OSBPL6: variants seen among roughly 807,000 people sequenced by gnomAD.
OSBPL6 encodes oxysterol binding protein like 6, also known as oxysterol-binding protein-related protein 6.
In OSBPL6, 49 loss-of-function variants were observed where a neutral mutation model predicts 125.8. That is an observed-to-expected ratio of 0.39 (90% CI 0.31 to 0.49). The LOEUF (loss-of-function observed/expected upper bound fraction) is 0.49. OSBPL6 is among the 20% of genes least tolerant of loss of function. The pLI, the probability that OSBPL6 is intolerant of heterozygous loss-of-function variation, is 0.88. For synonymous variants in OSBPL6, 394 were observed against 391.8 expected (o/e 1.01, Z -0.07); for missense variants, 986 against 1,135.4 (o/e 0.87, Z 1.89).
intron 1 of OSBPL6, among the ~76,000 whole-genome samples, chr2:178,265,263 G>C (rs2092197076): frequency 8.0e-6 from 1 of 125,318 alleles, no homozygotes; most frequent in Non-Finnish European, 1.6e-5. Flanking sequence ...CCAGGCTGGA[G>C]TACAGTGGTA....
intron 1 of OSBPL6, among the ~76,000 whole-genome samples, chr2:178,269,349 T>C (rs1427342317): frequency 6.6e-6 from 1 of 152,218 alleles, no homozygotes; most frequent in African/African-American, 2.4e-5. Context: ...ACTATTAATG[T>C]TTATAAAGCT....
At chr2:178,323,546 T>G (rs1218014310) in intron 3 of OSBPL6, 3 of 152,220 alleles carry the variant, frequency 2.0e-5, no homozygotes, top group Non-Finnish European at 4.4e-5. Flanking sequence ...CACTGCAACC[T>G]CCGTCTCCCA....
chr2:178,326,567 G>A (rs1217820559), intron 4 of OSBPL6, among the ~76,000 whole-genome samples: 1 of 152,150 alleles, frequency 6.6e-6, no homozygotes, highest in East Asian at 1.9e-4. Flanking sequence ...AGTCTACTAA[G>A]TATAGAGGGA....
chr2:178,308,261 T>C lies in OSBPL6; in HGVS notation c.102+1975T>C, dbSNP rs148749651. On this transcript the variant is annotated intron_variant, in intron 3 of 24. Coordinates refer to ENST00000190611, the MANE Select transcript of OSBPL6 (RefSeq NM_032523.4). ...GTTTTTCCTTCCTTATCTCAATCAC[T>C]GCCTAAACCTCAGAATTAACTTAGG... Among the ~76,000 whole-genome samples, 417 of 152,346 alleles carry C rather than the reference T, an allele frequency of 2.7e-3. 2 individuals carry two copies. Among genetic ancestry groups the C allele is most frequent in the African/African-American group, 9.4e-3 (389 of 41,582 alleles).
intron 12 of OSBPL6, among the ~76,000 whole-genome samples, chr2:178,359,290 C>G (rs765553451): frequency 1.3e-5 from 2 of 152,122 alleles, no homozygotes; most frequent in Non-Finnish European, 2.9e-5. Flanking sequence ...AAATGACCAA[C>G]AAGTACATAA....
intron 1 of OSBPL6, among the ~76,000 whole-genome samples, chr2:178,281,024 T>C (rs1317155584): frequency 1.3e-5 from 2 of 151,346 alleles, no homozygotes; most frequent in African/African-American, 2.4e-5. Flanking sequence ...TTTTTTTTTT[T>C]TTTCTTTTGA....
At chr2:178,362,957 A>G (rs1257476217) in intron 13 of OSBPL6, among the ~76,000 whole-genome samples, 1 of 152,214 alleles carries the variant, frequency 6.6e-6, no homozygotes, top group Non-Finnish European at 1.5e-5. Context: ...TTCTCATGTC[A>G]TGGATCGGTC....
rs540802533 is a variant in OSBPL6, at chr2:178,227,192, A to T, written c.-351+32518A>T. On this transcript the variant is annotated intron_variant, in intron 1 of 24. Transcript: ENST00000190611. ...ACAAAAAAGGAAATACATATGGCTA[A>T]GTTTTATCAGAAATGTTTAACATTA... Among the ~76,000 whole-genome samples the T allele has an allele frequency of 3.9e-4, 60 of 152,386 alleles. No individual in the cohort carries two copies. In the South Asian group the frequency reaches 0.012, roughly 31 times the overall value.
chr2:178,240,289 G>A (rs949320548), intron 1 of OSBPL6, among the ~76,000 whole-genome samples: 9 of 152,142 alleles, frequency 5.9e-5, no homozygotes, highest in Admixed American at 1.3e-4. Context: ...AAATAAGTCT[G>A]GGTGCGGTGG....
At chr2:178,277,519 C>CA (rs1419941215) in intron 1 of OSBPL6, among the ~76,000 whole-genome samples, 3 of 151,934 alleles carry the variant, frequency 2.0e-5, no homozygotes, top group South Asian at 2.1e-4. Context: ...TATATGCAAA[C>CA]AAAAAAATCT....
At chr2:178,266,754 A>G (rs530368853) in intron 1 of OSBPL6, among the ~76,000 whole-genome samples, 1 of 152,362 alleles carries the variant, frequency 6.6e-6, no homozygotes, top group East Asian at 1.9e-4. Flanking sequence ...AACTAAAGCA[A>G]TTCAAAGTTC....
chr2:178,304,810 C>G (rs1331343057), intron 2 of OSBPL6, among the ~76,000 whole-genome samples: 1 of 152,200 alleles, frequency 6.6e-6, no homozygotes, highest in South Asian at 2.1e-4. Flanking sequence ...ATCTCTGACT[C>G]TAGTCATATT....
At chr2:178,225,587 C>A (rs2090528171) in intron 1 of OSBPL6, among the ~76,000 whole-genome samples, 1 of 152,120 alleles carries the variant, frequency 6.6e-6, no homozygotes, top group African/African-American at 2.4e-5. Context: ...TGTTTCCATG[C>A]TGCTGATAAA....
intron 1 of OSBPL6, among the ~76,000 whole-genome samples, chr2:178,228,439 G>A (rs1049589907): frequency 6.6e-6 from 1 of 152,194 alleles, no homozygotes; most frequent in Non-Finnish European, 1.5e-5. Context: ...GGAGGCTGAG[G>A]CAGAAGAATG....
In OSBPL6 at chr2:178,399,179, A is replaced by T. The variant is rs183925522; in HGVS notation, c.*3620A>T. 1 of 152,298 alleles carries T rather than the reference A, an allele frequency of 6.6e-6. No homozygotes were observed. The highest frequency in any genetic ancestry group is 1.5e-5 in the Non-Finnish European group (1 of 68,016). 9.4% of individuals were successfully genotyped at this position (152,298 alleles called of 1,614,324 possible). On this transcript the variant is annotated 3_prime_UTR_variant, in exon 25 of 25. Transcript: ENST00000190611. ...AAATGTATCTAATTAAACAATTTTG[A>T]ATCTATTTTGTGCTCTAGAAATGTT...
chr2:178,199,113 A>C (rs902815087), intron 1 of OSBPL6, among the ~76,000 whole-genome samples: 3 of 152,256 alleles, frequency 2.0e-5, no homozygotes, highest in African/African-American at 7.2e-5. Context: ...TGCCATGTTC[A>C]GTGCATAAAT....
chr2:178,378,172 C>G lies in OSBPL6; in HGVS notation c.1533+4145C>G, dbSNP rs1456441938. Among the ~76,000 whole-genome samples, 3 of 152,008 alleles carry G rather than the reference C, an allele frequency of 2.0e-5. No homozygotes were observed. The East Asian group carries it at 5.8e-4, about 29-fold the overall frequency. ...CCCTCTTTCCTCATTTTTTTTCCTT[C>G]ATGCTTATCACTGTCTTAAATATAT... On this transcript the variant is annotated intron_variant, in intron 15 of 24. Transcript: ENST00000190611.
intron 1 of OSBPL6, among the ~76,000 whole-genome samples, chr2:178,261,803 T>A (rs1475916337): frequency 1.3e-5 from 2 of 152,222 alleles, no homozygotes; most frequent in African/African-American, 4.8e-5. Flanking sequence ...TTGACCTTTC[T>A]TCAACTATTT....
At chr2:178,248,476 AAAAC>A (rs1322296799) in intron 1 of OSBPL6, among the ~76,000 whole-genome samples, 2 of 152,212 alleles carry the variant, frequency 1.3e-5, no homozygotes, top group African/African-American at 4.8e-5. Context: ...AAATCAATGA[AAAAC>A]AAACAAACAT....
Sources: allele counts gnomAD v4.1 joint callset (sites outside exome capture counted in the v4.1 genomes callset), GRCh38; gene constraint gnomAD v4.1.1; transcripts MANE v1.5; gene names NCBI Gene and HGNC (gene_info 2026-07-23, HGNC 2026-07-21).